ADAMTS3: variants seen among roughly 807,000 people sequenced by gnomAD.
ADAMTS3 encodes the protein ADAM metallopeptidase with thrombospondin type 1 motif 3.
Under a neutral mutation model 129.0 loss-of-function variants are expected in ADAMTS3, and 73 were observed. The observed-to-expected ratio is 0.57, with a 90% CI of 0.47 to 0.69. The LOEUF is 0.69. ADAMTS3 is among the 30% of genes least tolerant of loss of function. The pLI, the probability that ADAMTS3 is intolerant of heterozygous loss-of-function variation, is 0.00. For synonymous variants in ADAMTS3, 477 were observed against 510.8 expected, an observed-to-expected ratio of 0.93 and a Z score of 0.89; for missense variants, 1,457 against 1,514.5, an observed-to-expected ratio of 0.96 and a Z score of 0.63.
Position 72,525,446 on chromosome 4 carries a change from A to G in ADAMTS3, c.504+23032T>C, listed in dbSNP as rs183165736. 4.4e-3 allele frequency among the ~76,000 whole-genome samples: 663 copies of G among 152,340 alleles called. 4 individuals carry two copies. Among genetic ancestry groups the G allele is most frequent in the African/African-American group, 0.016 (646 of 41,568 alleles). On this transcript the variant is annotated intron_variant, in intron 3 of 21. Coordinates refer to ENST00000286657, the MANE Select transcript of ADAMTS3 (RefSeq NM_014243.3). ...AAAACAAGCTAGTATATAGCATTAG[A>G]CATGTAAGTCATGCTGTAGCATGGA...
intron 2 of ADAMTS3, among the ~76,000 whole-genome samples, chr4:72,550,111 A>AG (rs1560564341): frequency 5.2e-5 from 5 of 96,156 alleles, no homozygotes; most frequent in Admixed American, 1.0e-4. Context: ...AAGAAGAAGA[A>AG]GAAGAAGGCA....
chr4:72,512,069 T>C (rs1720330182), intron 3 of ADAMTS3, among the ~76,000 whole-genome samples: 1 of 152,062 alleles, frequency 6.6e-6, no homozygotes, highest in South Asian at 2.1e-4. Context: ...ATCAAAACAA[T>C]TGAACTCATA....
chr4:72,397,940 TA>T (rs112625596), intron 4 of ADAMTS3, among the ~76,000 whole-genome samples: 36 of 148,620 alleles, frequency 2.4e-4, no homozygotes, highest in East Asian at 9.9e-4. Flanking sequence ...CAATTTAATG[TA>T]AAAAAAAAAT....
At chr4:72,475,975 T>C (rs1379302049) in intron 3 of ADAMTS3, among the ~76,000 whole-genome samples, 2 of 151,682 alleles carry the variant, frequency 1.3e-5, no homozygotes, top group African/African-American at 2.4e-5. Context: ...GTTAAAGCAG[T>C]ACAAAAAGAG....
At chr4:72,463,237 T>C (rs776854429) in intron 3 of ADAMTS3, among the ~76,000 whole-genome samples, 18 of 152,018 alleles carry the variant, frequency 1.2e-4, no homozygotes, top group Non-Finnish European at 2.2e-4. Context: ...CTATGCCATC[T>C]GGGTTTGTGT....
intron 3 of ADAMTS3, among the ~76,000 whole-genome samples, chr4:72,524,459 T>C (rs1720755985): frequency 6.6e-6 from 1 of 152,104 alleles, no homozygotes; most frequent in South Asian, 2.1e-4. Context: ...AATAATATCA[T>C]TGAATCTTTT....
chr4:72,319,264 C>T (rs1165590867), intron 9 of ADAMTS3, 68 bp downstream of exon 9: 1 of 1,579,770 alleles, frequency 6.3e-7, no homozygotes. Context: ...TGATCAAGTC[C>T]TAAGAGTCAG....
chr4:72,406,075 A>T (rs1464083067), intron 4 of ADAMTS3, among the ~76,000 whole-genome samples: 2 of 152,098 alleles, frequency 1.3e-5, no homozygotes, highest in Non-Finnish European at 2.9e-5. Context: ...GGAGCCTGTG[A>T]GAGAGGGCTG....
chr4:72,552,659 G>T (rs1402966379), intron 2 of ADAMTS3, among the ~76,000 whole-genome samples: 1 of 152,078 alleles, frequency 6.6e-6, no homozygotes, highest in East Asian at 1.9e-4. Context: ...GGCTCATAAG[G>T]TCCCAGGGCT....
chr4:72,515,396 T>A (rs917268384), intron 3 of ADAMTS3, among the ~76,000 whole-genome samples: 4 of 151,914 alleles, frequency 2.6e-5, no homozygotes, highest in Non-Finnish European at 4.4e-5. Flanking sequence ...TTCTAGATCC[T>A]TGAGGAATCG....
intron 3 of ADAMTS3, among the ~76,000 whole-genome samples, chr4:72,443,020 T>C (rs933390585): frequency 6.6e-6 from 1 of 151,778 alleles, no homozygotes; most frequent in Non-Finnish European, 1.5e-5. Flanking sequence ...ATATATTCTA[T>C]TATTACACTA....
chr4:72,347,201 C>G (rs1012283757), intron 4 of ADAMTS3, among the ~76,000 whole-genome samples: 3 of 151,922 alleles, frequency 2.0e-5, no homozygotes, highest in African/African-American at 7.3e-5. Flanking sequence ...TGTGAATTCA[C>G]CCACTAATTT....
intron 3 of ADAMTS3, among the ~76,000 whole-genome samples, chr4:72,432,678 C>T (rs189068720): frequency 4.1e-4 from 63 of 151,928 alleles, no homozygotes; most frequent in African/African-American, 1.3e-3. Flanking sequence ...ACTTTGGAAC[C>T]GAAAATGATC....
chr4:72,433,485 G>A (rs1191286996), intron 3 of ADAMTS3, among the ~76,000 whole-genome samples: 1 of 151,944 alleles, frequency 6.6e-6, no homozygotes, highest in East Asian at 2.0e-4. Flanking sequence ...ACATTAAAGC[G>A]TTCGTTACTT....
chr4:72,530,878 G>T (rs1721024499), intron 3 of ADAMTS3, among the ~76,000 whole-genome samples: 2 of 128,286 alleles, frequency 1.6e-5, no homozygotes, highest in Non-Finnish European at 3.1e-5. Flanking sequence ...TATTATATAT[G>T]CTCTTTAGAT....
chr4:72,456,251 GTA>G (rs1237093318), intron 3 of ADAMTS3, among the ~76,000 whole-genome samples: 3 of 136,664 alleles, frequency 2.2e-5, no homozygotes, highest in African/African-American at 6.0e-5. Context: ...TTTATATATA[GTA>G]TATATACTGT....
chr4:72,427,344 T>G (rs1338437551), intron 3 of ADAMTS3, among the ~76,000 whole-genome samples: 1 of 152,094 alleles, frequency 6.6e-6, no homozygotes, highest in African/African-American at 2.4e-5. Context: ...TCCAAGAAAT[T>G]CCATTACATT....
At chr4:72,348,262 T>A (rs1578603477) in intron 4 of ADAMTS3, among the ~76,000 whole-genome samples, 2 of 150,762 alleles carry the variant, frequency 1.3e-5, no homozygotes, top group East Asian at 2.0e-4. Context: ...AGGAAGGGAG[T>A]AAGAGGGACA....
intron 19 of ADAMTS3, 45 bp from the exon 20 acceptor site, chr4:72,291,107 T>A (rs779245801): frequency 2.5e-6 from 4 of 1,596,824 alleles, no homozygotes; most frequent in Non-Finnish European, 3.4e-6. Flanking sequence ...CTGGTATGTA[T>A]AGTGTACACA....
Sources: allele counts gnomAD v4.1 joint callset (sites outside exome capture counted in the v4.1 genomes callset), GRCh38; gene constraint gnomAD v4.1.1; transcripts MANE v1.5; gene names NCBI Gene and HGNC (gene_info 2026-07-23, HGNC 2026-07-21).